Variants in PTPRN2 observed in about 807,000 individuals in gnomAD.
PTPRN2 encodes protein tyrosine phosphatase receptor type N2.
Under a neutral mutation model 118.8 loss-of-function variants are expected in PTPRN2, and 74 were observed. The ratio of observed to expected loss-of-function variants is 0.62; its 90% CI spans 0.52 to 0.76. The LOEUF is 0.76. PTPRN2 is among the 30% of genes least tolerant of loss of function. PTPRN2 has a pLI of 0.00. For synonymous variants in PTPRN2, 641 were observed against 608.0 expected (o/e 1.05, Z -0.80); for missense variants, 1,481 against 1,394.4 (o/e 1.06, Z -0.99).
intron 11 of PTPRN2, among the ~76,000 whole-genome samples, chr7:157,985,145 C>T (rs568097638): frequency 1.3e-5 from 2 of 152,364 alleles, no homozygotes; most frequent in South Asian, 2.1e-4. Context: ...AACAAAGTGA[C>T]ATCAGATGTT....
At position 158,565,701 on chromosome 7, in the gene PTPRN2, C is replaced by A. The variant is rs988849260; in HGVS notation, c.112+21857G>T. 5.9e-5 allele frequency among the ~76,000 whole-genome samples: 9 copies of A among 152,188 alleles called. No homozygotes were observed. Among genetic ancestry groups the A allele is most frequent in the African/African-American group, 2.2e-4 (9 of 41,436 alleles). ...TCATGACTCCAACTTACTTTCTACA[C>A]ACAAGACATAGAAACCATCTCATGC... is the stretch of plus-strand genomic sequence containing the variant. On this transcript the variant is annotated intron_variant, in intron 1 of 22. Transcript: ENST00000389418. The surrounding 1 kb of genome is among the most constrained non-coding windows in gnomAD (Gnocchi z 4.6).
Position 157,845,391 on chromosome 7 carries a change from C to T in PTPRN2, c.1788+53282G>A, listed in dbSNP as rs987691031. Among the ~76,000 whole-genome samples the T allele has an allele frequency of 3.3e-5, 5 of 151,416 alleles. No individual in the cohort carries two copies. Among genetic ancestry groups the T allele is most frequent in the Non-Finnish European group, 7.4e-5 (5 of 67,860 alleles). ...TTCCCGGCCACGCCACAGTGAATCA[C>T]GCAGCCTAACTCACCAGGTTACTGG... is the stretch of plus-strand genomic sequence containing the variant. On this transcript the variant is annotated intron_variant, in intron 12 of 22. Coordinates refer to ENST00000389418, the MANE Select transcript of PTPRN2 (RefSeq NM_002847.5). This position sits in a 1 kb window ranked among gnomAD's most constrained non-coding sequence, Gnocchi z 4.5.
At chr7:158,171,865 C>G (rs562475203) in intron 5 of PTPRN2, among the ~76,000 whole-genome samples, 1 of 152,308 alleles carries the variant, frequency 6.6e-6, no homozygotes, top group East Asian at 1.9e-4. Flanking sequence ...AAGACCGTAG[C>G]TGCCCAAACC....
rs11976362 is a variant in PTPRN2, at chr7:157,944,920, A to G, written c.1724-46183T>C. Among the ~76,000 whole-genome samples the G allele has an allele frequency of 3.0e-3, 450 of 152,350 alleles. 12 individuals carry two copies. The South Asian group carries it at 0.045, about 15-fold the overall frequency. On this transcript the variant is annotated intron_variant, in intron 11 of 22. Coordinates refer to ENST00000389418, the MANE Select transcript of PTPRN2 (RefSeq NM_002847.5). The surrounding 1 kb of genome is among the most constrained non-coding windows in gnomAD (Gnocchi z 4.3). ...CCTGAATCCTGCCTAGTATTTATAC[A>G]GTAAACAGAGACTCTGAAATAAACA...
chr7:157,542,053 G>A (rs1217549427), intron 22 of PTPRN2, among the ~76,000 whole-genome samples: 1 of 152,158 alleles, frequency 6.6e-6, no homozygotes, highest in Non-Finnish European at 1.5e-5. Context: ...GTCTGCCTGC[G>A]CCCCGTCTCT....
At chr7:158,586,597 G>A (rs1034818285) in intron 1 of PTPRN2, among the ~76,000 whole-genome samples, 5 of 152,272 alleles carry the variant, frequency 3.3e-5, no homozygotes, top group Non-Finnish European at 5.9e-5. Context: ...CAGGAAAGGA[G>A]GTGCCGGGGA....
intron 3 of PTPRN2, among the ~76,000 whole-genome samples, chr7:158,298,670 G>A (rs1224472386): frequency 6.6e-6 from 1 of 152,194 alleles, no homozygotes; most frequent in East Asian, 1.9e-4. Context: ...GCTTCAGATT[G>A]GAGGAGGGCG....
At chr7:158,387,578 G>GCACTCTCTGGGTC (rs1811576905) in intron 2 of PTPRN2, among the ~76,000 whole-genome samples, 1 of 16,946 alleles carries the variant, frequency 5.9e-5, no homozygotes, top group Non-Finnish European at 1.2e-4. Flanking sequence ...TGTCAGCTCA[G>GCACTCTCTGGGTC]CTTGGCCCGG....
At chr7:158,192,242 A>G in intron 5 of PTPRN2, 85 bp downstream of exon 5, 1 of 1,326,166 alleles carries the variant, frequency 7.5e-7, no homozygotes, top group Non-Finnish European at 9.8e-7. Flanking sequence ...AGCCAAGAGG[A>G]GCCAGCGACT....
intron 11 of PTPRN2, among the ~76,000 whole-genome samples, chr7:158,039,278 G>A (rs2128888341): frequency 6.6e-6 from 1 of 152,260 alleles, no homozygotes; most frequent in South Asian, 2.1e-4. Flanking sequence ...GAATGTTGTG[G>A]GATGGAAAAT....
At chr7:158,333,657 A>T (rs1214882053) in intron 2 of PTPRN2, among the ~76,000 whole-genome samples, 2 of 151,634 alleles carry the variant, frequency 1.3e-5, no homozygotes, top group Non-Finnish European at 2.9e-5. Flanking sequence ...CATTCTCACC[A>T]TAAGAGCTGA....
chr7:157,850,249 G>A (rs1181628750), intron 12 of PTPRN2, among the ~76,000 whole-genome samples: 1 of 146,216 alleles, frequency 6.8e-6, no homozygotes, highest in Non-Finnish European at 1.5e-5. Flanking sequence ...GCTCACATAA[G>A]GGATCCCAGG....
chr7:158,262,508 GCACA>G (rs10694811), intron 3 of PTPRN2, among the ~76,000 whole-genome samples: 2 of 143,178 alleles, frequency 1.4e-5, no homozygotes, highest in Non-Finnish European at 3.0e-5. Context: ...CACACACACT[GCACA>G]CACATTCACA....
rs147905774 is a variant in PTPRN2 at position 157,726,856 on chromosome 7, CAT to C, written c.1789-43921_1789-43920del. Among the ~76,000 whole-genome samples, 1,220 of 152,296 alleles carry C rather than the reference CAT, an allele frequency of 8.0e-3. 14 individuals are homozygous for C. The highest frequency in any genetic ancestry group is 0.028 in the African/African-American group (1,149 of 41,562). On this transcript the variant is annotated intron_variant, in intron 12 of 22. Transcript: ENST00000389418. ...TCAGAAAACACAAAGTACTTGAACA[CAT>C]GTTTCTCCAAAGAAGACACACAAAT...
intron 9 of PTPRN2, among the ~76,000 whole-genome samples, chr7:158,133,435 G>A (rs907489643): frequency 6.6e-6 from 1 of 152,214 alleles, no homozygotes; most frequent in African/African-American, 2.4e-5. Context: ...GGTTTTGTTT[G>A]ATGCCCTTCA....
At chr7:158,216,955 TAAC>T (rs1827997922) in intron 3 of PTPRN2, among the ~76,000 whole-genome samples, 1 of 152,146 alleles carries the variant, frequency 6.6e-6, no homozygotes, top group Admixed American at 6.5e-5. Flanking sequence ...TGGGGAAATA[TAAC>T]AACATGTTAT....
chr7:157,993,114 G>A (rs894848402), intron 11 of PTPRN2, among the ~76,000 whole-genome samples: 3 of 152,150 alleles, frequency 2.0e-5, no homozygotes, highest in African/African-American at 4.8e-5. Context: ...TGAGGTGTGA[G>A]CTGCAACTTT....
chr7:158,441,213 G>A (rs576548294), intron 2 of PTPRN2, among the ~76,000 whole-genome samples: 99 of 146,076 alleles, frequency 6.8e-4, no homozygotes, highest in Non-Finnish European at 1.2e-3. Context: ...GGTGGTGGTG[G>A]TGATGGTGAT....
At chr7:157,741,336 A>C (rs1800621710) in intron 12 of PTPRN2, among the ~76,000 whole-genome samples, 1 of 152,250 alleles carries the variant, frequency 6.6e-6, no homozygotes, top group Admixed American at 6.5e-5. Flanking sequence ...CCGGCCAACA[A>C]GCCCAAGACT....
Sources: allele counts gnomAD v4.1 joint callset (sites outside exome capture counted in the v4.1 genomes callset), GRCh38; gene constraint gnomAD v4.1.1; non-coding constraint Gnocchi (gnomAD v3.1); transcripts MANE v1.5; gene names NCBI Gene and HGNC (gene_info 2026-07-23, HGNC 2026-07-21).